MAML3: variants seen among roughly 807,000 people sequenced by gnomAD.
MAML3 encodes mastermind like transcriptional coactivator 3.
A neutral mutation model predicts 101.9 loss-of-function variants in MAML3; 27 were observed. The observed-to-expected ratio is 0.27, with a 90% CI of 0.20 to 0.37. The LOEUF (loss-of-function observed/expected upper bound fraction) is 0.37. Among genes scored for constraint, MAML3 ranks in the 10% least tolerant of loss-of-function variants. MAML3 has a pLI of 1.00. For synonymous variants in MAML3, 501 were observed against 555.9 expected (o/e 0.90, Z 1.39); for missense variants, 1,316 against 1,444.9 (o/e 0.91, Z 1.45).
chr4:140,095,391 C>G (rs1390934594), intron 1 of MAML3, among the ~76,000 whole-genome samples: 1 of 152,150 alleles, frequency 6.6e-6, no homozygotes, highest in Non-Finnish European at 1.5e-5. Flanking sequence ...CTGAATCCTT[C>G]ATCTTTCTCT....
chr4:140,049,267 T>C (rs1727230067), intron 1 of MAML3, among the ~76,000 whole-genome samples: 1 of 152,166 alleles, frequency 6.6e-6, no homozygotes, highest in Non-Finnish European at 1.5e-5. Context: ...CCTTTCCTGT[T>C]GGAAAAGAAA....
intron 1 of MAML3, among the ~76,000 whole-genome samples, chr4:139,974,804 A>G (rs1218914209): frequency 5.3e-5 from 8 of 152,166 alleles, no homozygotes; most frequent in Admixed American, 1.3e-4. Context: ...AGAGAGATCA[A>G]TTTTGAGGTG....
chr4:140,105,076 T>A (rs1019567552), intron 1 of MAML3, among the ~76,000 whole-genome samples: 4 of 152,100 alleles, frequency 2.6e-5, no homozygotes, highest in Non-Finnish European at 4.4e-5. Context: ...AACAGAAATA[T>A]GTCCCAGCAT....
At chr4:139,897,314 CAG>C (rs1467187791) in intron 1 of MAML3, among the ~76,000 whole-genome samples, 1 of 151,584 alleles carries the variant, frequency 6.6e-6, no homozygotes, top group African/African-American at 2.4e-5. Context: ...TTACAGAACT[CAG>C]GGGGCTGGGC....
chr4:139,931,775 C>T (rs542450750), intron 1 of MAML3, among the ~76,000 whole-genome samples: 2 of 152,072 alleles, frequency 1.3e-5, no homozygotes, highest in South Asian at 4.2e-4. Flanking sequence ...TTTGGGAGGC[C>T]CAGACGGGCG....
At chr4:139,778,553 T>C (rs1273283435) in intron 2 of MAML3, among the ~76,000 whole-genome samples, 2 of 152,232 alleles carry the variant, frequency 1.3e-5, no homozygotes, top group Non-Finnish European at 2.9e-5. Flanking sequence ...TCAGGATGAA[T>C]TGAAGTTACT....
intron 1 of MAML3, among the ~76,000 whole-genome samples, chr4:139,933,407 C>T (rs1452638531): frequency 4.6e-5 from 7 of 152,208 alleles, no homozygotes; most frequent in Admixed American, 4.6e-4. Context: ...GAAAACACCC[C>T]AAACCATCTT....
chr4:139,902,018 C>T (rs1239185821), intron 1 of MAML3, among the ~76,000 whole-genome samples: 1 of 152,192 alleles, frequency 6.6e-6, no homozygotes, highest in Non-Finnish European at 1.5e-5. Context: ...AAAATCCCAT[C>T]ACATGTTTAT....
At chr4:139,961,849 C>T (rs2110775546) in intron 1 of MAML3, among the ~76,000 whole-genome samples, 1 of 152,256 alleles carries the variant, frequency 6.6e-6, no homozygotes, top group South Asian at 2.1e-4. Context: ...CACGGTGGCT[C>T]ACACTTGTAA....
intron 2 of MAML3, among the ~76,000 whole-genome samples, chr4:139,748,570 C>T (rs1044429811): frequency 6.6e-6 from 1 of 152,106 alleles, no homozygotes; most frequent in Non-Finnish European, 1.5e-5. Flanking sequence ...TGAGAAGAGG[C>T]CAAGAACAGA....
At chr4:139,725,365 A>G (rs919352722) in intron 4 of MAML3, among the ~76,000 whole-genome samples, 1 of 152,224 alleles carries the variant, frequency 6.6e-6, no homozygotes, top group Non-Finnish European at 1.5e-5. Flanking sequence ...CCCTGTAGTC[A>G]CTAAGATGAC....
intron 1 of MAML3, among the ~76,000 whole-genome samples, chr4:140,067,707 C>T (rs917676818): frequency 1.0e-4 from 15 of 149,162 alleles, no homozygotes; most frequent in South Asian, 8.6e-4. Context: ...TCAGGTAATA[C>T]ATAAATGTCA....
chr4:139,856,150 C>A (rs1043632685), intron 2 of MAML3, among the ~76,000 whole-genome samples: 5 of 152,184 alleles, frequency 3.3e-5, no homozygotes, highest in African/African-American at 9.7e-5. Context: ...TCCTACCCAG[C>A]ACAATGCAAG....
At chr4:139,730,914 T>C (rs1013885301) in intron 2 of MAML3, 3 of 563,602 alleles carry the variant, frequency 5.3e-6, no homozygotes, top group Admixed American at 6.0e-5. Context: ...AAGTCCAGTC[T>C]GTTTCGGATG....
intron 4 of MAML3, among the ~76,000 whole-genome samples, chr4:139,723,888 C>T (rs898946204): frequency 9.2e-5 from 14 of 152,276 alleles, no homozygotes; most frequent in South Asian, 4.1e-4. Context: ...TCTCAAGCCC[C>T]GCTTCAGATT....
chr4:139,844,896 T>G (rs1731415523), intron 2 of MAML3, among the ~76,000 whole-genome samples: 1 of 152,228 alleles, frequency 6.6e-6, no homozygotes, highest in South Asian at 2.1e-4. Flanking sequence ...TTTAGTCCTA[T>G]TCTGGCTCAC....
chr4:140,003,891 A>T (rs1315829154), intron 1 of MAML3, among the ~76,000 whole-genome samples: 1 of 152,222 alleles, frequency 6.6e-6, no homozygotes, highest in Non-Finnish European at 1.5e-5. Context: ...AGTTCCCACA[A>T]GGAAAGTTTC....
At chr4:139,998,605 T>C (rs1734864025) in intron 1 of MAML3, among the ~76,000 whole-genome samples, 1 of 152,204 alleles carries the variant, frequency 6.6e-6, no homozygotes, top group African/African-American at 2.4e-5. Context: ...TTGACTTCTC[T>C]TATTCCTAAG....
intron 1 of MAML3, among the ~76,000 whole-genome samples, chr4:140,003,890 A>G (rs1195215024): frequency 6.6e-6 from 1 of 152,228 alleles, no homozygotes; most frequent in Non-Finnish European, 1.5e-5. Flanking sequence ...AAGTTCCCAC[A>G]AGGAAAGTTT....
Sources: gnomAD v4.1 joint callset for allele counts (sites outside exome capture counted in the v4.1 genomes callset) on GRCh38, gnomAD v4.1.1 for gene constraint, MANE v1.5 for transcripts, NCBI Gene and HGNC (gene_info 2026-07-23, HGNC 2026-07-21) for gene names.